VWCE: variants seen among roughly 807,000 people sequenced by gnomAD.
The protein encoded by VWCE is von Willebrand factor C and EGF domains.
Under a neutral mutation model 102.9 loss-of-function variants are expected in VWCE, and 68 were observed. The observed-to-expected ratio is 0.66, with a 90% confidence interval of 0.54 to 0.81. The LOEUF is 0.81. Ranked by LOEUF, VWCE falls within the 30% of genes least tolerant of loss-of-function variation. The pLI is 0.00. For missense variants in VWCE, 1,137 were observed against 1,263.6 expected (o/e 0.90, Z 1.52); for synonymous variants, 497 against 515.4 (o/e 0.96, Z 0.48).
At position 61,265,050 on chromosome 11, in the gene VWCE, G is replaced by T. The variant is rs1565216557; in HGVS notation, c.2057-12C>A. On this transcript the variant is annotated splice_polypyrimidine_tract_variant and intron_variant, in intron 17 of 19. Transcript: ENST00000335613. The stretch of plus-strand genomic sequence containing the variant: ...CTCGTAGTTGCAGTCTGTGGAGGAA[G>T]GGGAGACAGGAGCCCATGAGAGCCG... 1 of 1,614,118 alleles carries T rather than the reference G, an allele frequency of 6.2e-7. No homozygotes were observed.
chr11:61,267,058 G>A (rs1368188732), intron 16 of VWCE, among the ~76,000 whole-genome samples: 2 of 152,196 alleles, frequency 1.3e-5, no homozygotes, highest in Non-Finnish European at 2.9e-5. Flanking sequence ...AGGAGTTCAG[G>A]AACGGCCTGG....
chr11:61,292,360 C>T (rs1299581622), intron 1 of VWCE, among the ~76,000 whole-genome samples: 1 of 152,184 alleles, frequency 6.6e-6, no homozygotes, highest in Admixed American at 6.5e-5. Context: ...TTGCTTTATT[C>T]TCCACAACAT....
At chr11:61,265,641 G>A (rs1854491165) in intron 16 of VWCE, among the ~76,000 whole-genome samples, 1 of 152,170 alleles carries the variant, frequency 6.6e-6, no homozygotes, top group Non-Finnish European at 1.5e-5. Context: ...CGTGTCCCTT[G>A]TCACGCATGT....
At chr11:61,288,619 C>T (rs1855405379) in intron 4 of VWCE, among the ~76,000 whole-genome samples, 1 of 152,186 alleles carries the variant, frequency 6.6e-6, no homozygotes, top group South Asian at 2.1e-4. Flanking sequence ...TCTGGCTTTT[C>T]CTTGGTTCCG....
chr11:61,266,172 A>G (rs1005595250), intron 16 of VWCE, among the ~76,000 whole-genome samples: 14 of 152,184 alleles, frequency 9.2e-5, no homozygotes, highest in African/African-American at 3.1e-4. Flanking sequence ...AGACCAGCCT[A>G]GGCAACAGAG....
Position 61,259,108 on chromosome 11 carries a change from G to C in VWCE, c.2435C>G (p.Thr812Ser), listed in dbSNP as rs367658932. Residue 812 changes from threonine to serine, a missense_variant, in exon 20 of 20, where the codon ACT becomes AGT. Physicochemically the swap from Thr to Ser is moderately conservative, Grantham distance 58. This residue lies in a region of VWCE where 316 missense variants were observed against 319.3 expected (regional missense o/e 0.99). Coordinates refer to ENST00000335613, the MANE Select transcript of VWCE (RefSeq NM_152718.2). ...AGCTCCTGCCGGGCTTGTAGGTAAA[G>C]TCTGTGTTTTCATCAAGTTCGTTCT... ...LLRTNLMKTQ[T>S]LPTSPAGAHG... is the part of the protein sequence containing the mutation. The C allele has an allele frequency of 3.7e-5, 60 of 1,614,022 alleles. 1 individual carries two copies. The highest frequency in any genetic ancestry group is 1.6e-4 in the Middle Eastern group (1 of 6,084).
In VWCE at chr11:61,258,778, G is replaced by A; in HGVS notation, c.2765C>T (p.Ser922Phe). The A allele has an allele frequency of 6.7e-7, 1 of 1,492,338 alleles. No individual in the cohort carries two copies. Among genetic ancestry groups the A allele is most frequent in the South Asian group, 1.5e-5 (1 of 68,182 alleles). 92.4% of individuals were successfully genotyped at this position (1,492,338 alleles called of 1,614,324 possible). A position where few individuals can be genotyped will look rare whatever the true frequency, so the allele number is the denominator to read the frequency against. ...PITLLGPRVL[S>F]PTTSRLSTAL... ...TGTGGAGAGTCTAGAGGTGGTGGGA[G>A]AAAGCACGCGAGGCCCGAGGAGGGT... Residue 922 changes from serine (S) to phenylalanine (F), a missense_variant, in exon 20 of 20, where the codon TCT becomes TTT. Coordinates refer to ENST00000335613, the MANE Select transcript of VWCE (RefSeq NM_152718.2).
rs7104563 is a variant in VWCE, at chr11:61,259,014, T to C, written c.2529A>G (p.Arg843=). 2,880 of 1,613,344 alleles carry C rather than the reference T, an allele frequency of 1.8e-3. 50 individuals are homozygous for C. In the African/African-American group the frequency reaches 0.034, roughly 19 times the overall value. The change falls in exon 20 of 20, where the codon CGA becomes CGG. Residue 843 remains arginine, a synonymous_variant. Coordinates refer to ENST00000335613, the MANE Select transcript of VWCE (RefSeq NM_152718.2). ...GAGGGGTCGAAGGCCCTGGTGAGAG[T>C]CGAGGGGAGGCCCCAGGCTCCCCTG... ...TFPGEPGASP[R]LSPGPSTPPG... is the part of the protein sequence containing the mutation.
At position 61,264,225 on chromosome 11, in the gene VWCE, CAAAAAAAAAAAAAAA is replaced by C. The variant is rs547085588; in HGVS notation, c.2230+247_2230+261del. ...TGGGTGACAGAGGGAGACTCAGTCT[CAAAAAAAAAAAAAAA>C]AAAAAAAAAAAGCAGAAGAAGAAGA... On this transcript the variant is annotated intron_variant, in intron 19 of 19. Transcript: ENST00000335613. Among the ~76,000 whole-genome samples the C allele has an allele frequency of 5.0e-4, 10 of 19,988 alleles. No homozygotes were observed. The East Asian group carries it at 6.6e-3, about 13-fold the overall frequency. The allele number at this position is 19,988 out of a possible 152,430, so 13.1% of individuals were successfully genotyped here. A position where few individuals can be genotyped will look rare whatever the true frequency, so the allele number is the denominator to read the frequency against.
chr11:61,258,613 C>A lies in VWCE; in HGVS notation c.*62G>T. On this transcript the variant is annotated 3_prime_UTR_variant, in exon 20 of 20. Transcript: ENST00000335613. ...CAGGTTCATCCTTGGAGCTGCCCTG[C>A]ACACACCCTGGGCCACTGGCAGAGG... 1 of 1,327,596 alleles carries A rather than the reference C, an allele frequency of 7.5e-7. No homozygotes were observed. The highest frequency in any genetic ancestry group is 9.7e-7 in the Non-Finnish European group (1 of 1,032,738). 82.2% of individuals were successfully genotyped at this position (1,327,596 alleles called of 1,614,324 possible).
Position 61,258,666 on chromosome 11 carries a change from G to C in VWCE, c.*9C>G, listed in dbSNP as rs1854255764. On this transcript the variant is annotated 3_prime_UTR_variant, in exon 20 of 20. Coordinates refer to ENST00000335613, the MANE Select transcript of VWCE (RefSeq NM_152718.2). ...CTCTCTCCAGAGTCTCCCGGACACA[G>C]TGACCTCCTTACATGGTGGACTCTT... 1 of 1,372,918 alleles carries C rather than the reference G, an allele frequency of 7.3e-7. No individual in the cohort carries two copies. The highest frequency in any genetic ancestry group is 9.4e-7 in the Non-Finnish European group (1 of 1,058,468). 85.0% of individuals were successfully genotyped at this position (1,372,918 alleles called of 1,614,324 possible). A position where few individuals can be genotyped will look rare whatever the true frequency, so the allele number is the denominator to read the frequency against.
chr11:61,273,393 G>C, intron 12 of VWCE, 77 bp from the exon 13 acceptor site: 1 of 1,379,744 alleles, frequency 7.2e-7, no homozygotes, highest in Non-Finnish European at 9.9e-7. Flanking sequence ...GGAGGCCGCA[G>C]GCTGCCTGCC....
Position 61,282,811 on chromosome 11 carries a change from A to T in VWCE, c.636T>A (p.His212Gln). 1 of 1,614,188 alleles carries T rather than the reference A, an allele frequency of 6.2e-7. No homozygotes were observed. Among genetic ancestry groups the T allele is most frequent in the Non-Finnish European group, 8.5e-7 (1 of 1,180,020 alleles). The change falls in exon 6 of 20, where the codon CAT (histidine) becomes CAA (glutamine). Residue 212 changes from histidine to glutamine, a missense_variant. His to Gln is a conservative substitution (Grantham distance 24). Coordinates refer to ENST00000335613, the MANE Select transcript of VWCE (RefSeq NM_152718.2). Reference sequence around the variant, plus strand: ...TACCTACACAGGAGTGCCGGTTGCCATGAAGGTGGAAGCCAGTTCGACAGG... The same window carrying T: ...TACCTACACAGGAGTGCCGGTTGCCTTGAAGGTGGAAGCCAGTTCGACAGG... ...KCSCRTGFHL[H>Q]GNRHSCVDVN... is the part of the protein sequence containing the mutation.
Position 61,282,859 on chromosome 11 carries a change from G to C in VWCE, c.588C>G (p.Asn196Lys). The C allele has an allele frequency of 1.2e-6, 2 of 1,614,210 alleles. No individual in the cohort carries two copies. The highest frequency in any genetic ancestry group is 1.7e-6 in the Non-Finnish European group (2 of 1,180,034). ...LGTPCQQRCK[N>K]SIGSYKCSCR... is the part of the protein sequence containing the mutation. ...AGGAACACTTGTAGCTGCCAATGCT[G>C]TTTTTACATCTCTGCTGACAGGGAG... The change falls in exon 6 of 20, where the codon AAC (asparagine) becomes AAG (lysine). Residue 196 changes from asparagine to lysine, a missense_variant. By Grantham distance (94) the Asn-to-Lys change is moderately conservative. Around this residue, in one of 5 missense-constraint regions of VWCE, gnomAD observed 575 missense variants for 625.9 expected, o/e 0.92. Coordinates refer to ENST00000335613, the MANE Select transcript of VWCE (RefSeq NM_152718.2).
rs1007197724 is a variant in VWCE, at chr11:61,286,133, C to G, written c.541+181G>C. On this transcript the variant is annotated intron_variant, in intron 5 of 19. Transcript: ENST00000335613. ...CTCTTACTAACGACTTGGCCTTGGG[C>G]AAGCCTCAGTCTCCACATCAGTCAG... The G allele has an allele frequency of 1.5e-5, 10 of 681,584 alleles. No homozygotes were observed. In the African/African-American group the frequency reaches 1.6e-4, roughly 11 times the overall value. 42.2% of individuals were successfully genotyped at this position (681,584 alleles called of 1,614,324 possible). A position where few individuals can be genotyped will look rare whatever the true frequency, so the allele number is the denominator to read the frequency against.
intron 1 of VWCE, among the ~76,000 whole-genome samples, chr11:61,292,827 G>A (rs1410103812): frequency 6.6e-6 from 1 of 152,138 alleles, no homozygotes; most frequent in Non-Finnish European, 1.5e-5. Flanking sequence ...GGGGTTCCTG[G>A]AAGGGCAGCA....
intron 10 of VWCE, among the ~76,000 whole-genome samples, chr11:61,278,095 C>T (rs1590637266): frequency 1.3e-5 from 2 of 152,208 alleles, no homozygotes. Context: ...AGAAAAACAG[C>T]TTCCCTGGTG....
chr11:61,277,866 G>T (rs1854974583), intron 10 of VWCE, among the ~76,000 whole-genome samples: 1 of 151,950 alleles, frequency 6.6e-6, no homozygotes, highest in African/African-American at 2.4e-5. Flanking sequence ...TAAGACAGAG[G>T]CTCGCTCTGT....
intron 13 of VWCE, among the ~76,000 whole-genome samples, chr11:61,272,211 A>G (rs569766137): frequency 2.6e-5 from 4 of 152,182 alleles, no homozygotes; most frequent in Non-Finnish European, 4.4e-5. Context: ...ACACATACTC[A>G]TACAAATGCA....
Sources: gnomAD v4.1 joint callset for allele counts (sites outside exome capture counted in the v4.1 genomes callset) on GRCh38, gnomAD v4.1.1 for gene constraint, gnomAD v4.1.1 regional missense constraint, MANE v1.5 for transcripts, NCBI Gene and HGNC (gene_info 2026-07-23, HGNC 2026-07-21) for gene names.